SLMAP: variants seen among roughly 807,000 people sequenced by gnomAD.
SLMAP encodes the protein sarcolemmal membrane-associated protein.
Under a neutral mutation model 128.8 loss-of-function variants are expected in SLMAP, and 44 were observed. That is an observed-to-expected ratio of 0.34 (90% CI 0.27 to 0.44). SLMAP has a LOEUF of 0.44. Ranked by LOEUF, SLMAP falls within the 20% of genes least tolerant of loss-of-function variation. The probability of loss-of-function intolerance (pLI) is 1.00; values close to 1 mark genes in which losing one functional copy is unlikely to be tolerated. For missense variants in SLMAP, 787 were observed against 985.3 expected, an observed-to-expected ratio of 0.80 and a Z score of 2.69; for synonymous variants, 327 against 348.8, an observed-to-expected ratio of 0.94 and a Z score of 0.70.
rs532287928 is a variant in SLMAP, at chr3:57,808,622, T to C, written c.199-22761T>C. 4.6e-5 allele frequency among the ~76,000 whole-genome samples: 7 copies of C among 152,364 alleles called. No homozygotes were observed. In the South Asian group the frequency reaches 1.2e-3, roughly 27 times the overall value. On this transcript the variant is annotated intron_variant, in intron 2 of 24. Coordinates refer to ENST00000671191, the MANE Select transcript of SLMAP (RefSeq NM_001377540.1). Reference sequence around the variant, plus strand: ...GATTGCGCTGTGGCCTGAGAGACTATTTATTATGATTTTTGTTCTTTTGCA... The same window carrying C: ...GATTGCGCTGTGGCCTGAGAGACTACTTATTATGATTTTTGTTCTTTTGCA...
At chr3:57,773,831 G>A (rs879490279) in intron 2 of SLMAP, among the ~76,000 whole-genome samples, 1 of 152,040 alleles carries the variant, frequency 6.6e-6, no homozygotes, top group Non-Finnish European at 1.5e-5. Context: ...TGGAAAATAG[G>A]ATGTTTCTTA....
chr3:57,842,681 G>A (rs1471386302), intron 4 of SLMAP, among the ~76,000 whole-genome samples: 2 of 152,158 alleles, frequency 1.3e-5, no homozygotes, highest in Non-Finnish European at 2.9e-5. Context: ...CAGTTGGAAT[G>A]TATTGTGTCT....
intron 17 of SLMAP, among the ~76,000 whole-genome samples, chr3:57,903,401 G>C (rs2096445088): frequency 6.6e-6 from 1 of 152,208 alleles, no homozygotes; most frequent in Non-Finnish European, 1.5e-5. Context: ...TCTATCAGTT[G>C]ATGACATGCC....
chr3:57,808,979 T>C (rs1349872979), intron 2 of SLMAP, among the ~76,000 whole-genome samples: 1 of 152,228 alleles, frequency 6.6e-6, no homozygotes. Context: ...CTAGCTCTTC[T>C]TGTTGAATTG....
intron 2 of SLMAP, among the ~76,000 whole-genome samples, chr3:57,809,100 G>A (rs1014701444): frequency 1.3e-5 from 2 of 152,180 alleles, no homozygotes; most frequent in African/African-American, 4.8e-5. Context: ...TCCGGGCACA[G>A]CTGCAGGCAC....
chr3:57,846,719 G>A (rs1428851718), intron 4 of SLMAP, among the ~76,000 whole-genome samples: 1 of 151,868 alleles, frequency 6.6e-6, no homozygotes, highest in Admixed American at 6.6e-5. Flanking sequence ...ACCACGCCCA[G>A]CTAATTTTTT....
intron 2 of SLMAP, among the ~76,000 whole-genome samples, chr3:57,772,766 G>A (rs1024749846): frequency 7.9e-5 from 12 of 151,830 alleles, no homozygotes; most frequent in Non-Finnish European, 1.5e-4. Context: ...TCAGCCTCCC[G>A]AGTAGCTGGG....
At chr3:57,886,822 G>C (rs376064244) in intron 14 of SLMAP, among the ~76,000 whole-genome samples, 6 of 151,974 alleles carry the variant, frequency 3.9e-5, no homozygotes, top group African/African-American at 1.4e-4. Flanking sequence ...CACTAAGCCA[G>C]ACACAGAATG....
At chr3:57,817,678 G>T (rs938858744) in intron 2 of SLMAP, among the ~76,000 whole-genome samples, 1 of 152,114 alleles carries the variant, frequency 6.6e-6, no homozygotes, top group African/African-American at 2.4e-5. Context: ...ATTTCATAGT[G>T]TTCTGAAGTT....
intron 2 of SLMAP, among the ~76,000 whole-genome samples, chr3:57,760,345 G>A (rs2078372791): frequency 6.6e-6 from 1 of 152,108 alleles, no homozygotes; most frequent in Non-Finnish European, 1.5e-5. Flanking sequence ...TAACACGCAG[G>A]CTATGAGACC....
intron 2 of SLMAP, among the ~76,000 whole-genome samples, chr3:57,796,406 A>G (rs1291942989): frequency 1.3e-5 from 2 of 152,198 alleles, no homozygotes; most frequent in Non-Finnish European, 2.9e-5. Context: ...TGGATCGTGG[A>G]GCCTGACTAC....
intron 14 of SLMAP, among the ~76,000 whole-genome samples, chr3:57,877,148 G>T (rs1018762832): frequency 6.6e-6 from 1 of 151,358 alleles, no homozygotes; most frequent in Admixed American, 6.6e-5. Flanking sequence ...ATGTCTTACT[G>T]TTTTTTTCCT....
chr3:57,922,819 C>A, intron 22 of SLMAP, 70 bp from the exon 23 acceptor site: 2 of 1,445,582 alleles, frequency 1.4e-6, no homozygotes, highest in South Asian at 1.2e-5. Context: ...GGCGTATAAA[C>A]CTGATTAGAA....
chr3:57,900,123 G>A (rs867814606), intron 17 of SLMAP: 2 of 152,150 alleles, frequency 1.3e-5, no homozygotes, highest in African/African-American at 4.8e-5. Flanking sequence ...CATATAAGTA[G>A]CCTCTTTATT....
intron 15 of SLMAP, among the ~76,000 whole-genome samples, chr3:57,895,329 T>TTTTC (rs559995223): frequency 8.4e-4 from 128 of 152,066 alleles, no homozygotes; most frequent in African/African-American, 2.7e-3. Context: ...AAAACTTTTT[T>TTTTC]TTTCTTTCTT....
chr3:57,764,471 C>T (rs1450561164), intron 2 of SLMAP, among the ~76,000 whole-genome samples: 2 of 143,156 alleles, frequency 1.4e-5, no homozygotes, highest in Non-Finnish European at 3.0e-5. Flanking sequence ...CTTTGCACTC[C>T]AACATGGGCA....
In SLMAP at chr3:57,890,086, C is replaced by A. The variant is rs180767283; in HGVS notation, c.1346C>A (p.Thr449Lys). 4.5e-5 allele frequency: 72 copies of A among 1,613,832 alleles called. No homozygotes were observed. Among genetic ancestry groups the A allele is most frequent in the Non-Finnish European group, 2.2e-5 (26 of 1,179,812 alleles). ...EGHLTKAVEE[T>K]KLSKENQTRA... ...CATCTAACCAAAGCGGTAGAAGAAA[C>A]AAAGCTTTCAAAAGGTTTGTTTTCT... Residue 449 changes from threonine to lysine, a missense_variant, in exon 15 of 25, where the codon ACA becomes AAA. Transcript: ENST00000671191.
intron 17 of SLMAP, 196 bp downstream of exon 17, chr3:57,897,128 GATCA>G: frequency 6.0e-6 from 8 of 1,341,380 alleles, no homozygotes; most frequent in Non-Finnish European, 7.7e-6. Context: ...GAATAATTTG[GATCA>G]GTCAAGATTA....
chr3:57,806,614 A>G (rs758639300), intron 2 of SLMAP, among the ~76,000 whole-genome samples: 2 of 151,430 alleles, frequency 1.3e-5, no homozygotes, highest in East Asian at 1.9e-4. Flanking sequence ...ATTTTTTTGT[A>G]TTTTTAGTAG....
Sources: gnomAD v4.1 joint callset for allele counts (sites outside exome capture counted in the v4.1 genomes callset) on GRCh38, gnomAD v4.1.1 for gene constraint, MANE v1.5 for transcripts, NCBI Gene and HGNC (gene_info 2026-07-23, HGNC 2026-07-21) for gene names.